The following TEK variants were observed in gnomAD, a reference collection of about 807,000 sequenced individuals.
TEK encodes angiopoietin-1 receptor.
Under a neutral mutation model 131.8 loss-of-function variants are expected in TEK, and 43 were observed. That is an observed-to-expected ratio of 0.33 (90% confidence interval 0.26 to 0.42). The LOEUF is 0.42. Ranked by LOEUF, TEK falls within the 10% of genes least tolerant of loss-of-function variation. The pLI, the probability that TEK is intolerant of heterozygous loss-of-function variation, is 1.00. For missense variants in TEK, 1,162 were observed against 1,384.4 expected (o/e 0.84, Z 2.55); for synonymous variants, 580 against 491.6 (o/e 1.18, Z -2.38).
Position 27,202,257 on chromosome 9 carries a change from A to G in TEK, c.1910-563A>G, listed in dbSNP as rs1825241452. On this transcript the variant is annotated intron_variant, in intron 12 of 22. Coordinates refer to ENST00000380036, the MANE Select transcript of TEK (RefSeq NM_000459.5). The stretch of plus-strand genomic sequence containing the variant: ...GTTATTAGCACATTTTCTCATGTAT[A>G]CACTGACCTGCCTGCTGCTCCATAA... Among the ~76,000 whole-genome samples, 3 of 152,248 alleles carry G rather than the reference A, an allele frequency of 2.0e-5. No homozygotes were observed. In the South Asian group the frequency reaches 6.2e-4, roughly 32 times the overall value.
chr9:27,161,253 G>T (rs2063619655), intron 2 of TEK, among the ~76,000 whole-genome samples: 1 of 152,208 alleles, frequency 6.6e-6, no homozygotes, highest in Non-Finnish European at 1.5e-5. Flanking sequence ...ATGGCTTTTA[G>T]AATTATGCTC....
intron 1 of TEK, among the ~76,000 whole-genome samples, chr9:27,125,615 G>A (rs1587485216): frequency 6.6e-6 from 1 of 152,310 alleles, no homozygotes; most frequent in South Asian, 2.1e-4. Flanking sequence ...ACAGCTGTGT[G>A]ACCTTGGGTA....
intron 21 of TEK, among the ~76,000 whole-genome samples, chr9:27,222,931 C>G (rs559738137): frequency 6.6e-6 from 1 of 152,104 alleles, no homozygotes; most frequent in Admixed American, 6.5e-5. Flanking sequence ...GGCATATTTA[C>G]CAAGCAAATA....
chr9:27,116,552 G>A (rs766325669), intron 1 of TEK, among the ~76,000 whole-genome samples: 4 of 152,092 alleles, frequency 2.6e-5, no homozygotes, highest in Non-Finnish European at 5.9e-5. Flanking sequence ...CAAAGTGCTG[G>A]GATTACAGGC....
intron 4 of TEK, among the ~76,000 whole-genome samples, chr9:27,172,081 A>G (rs1481804538): frequency 2.0e-5 from 3 of 152,292 alleles, no homozygotes; most frequent in South Asian, 2.1e-4. Flanking sequence ...TCTGACACCA[A>G]TGTGCACAGA....
intron 6 of TEK, among the ~76,000 whole-genome samples, chr9:27,179,209 CTTTT>C (rs1213952967): frequency 6.6e-6 from 1 of 152,096 alleles, no homozygotes; most frequent in African/African-American, 2.4e-5. Context: ...TTGACTCTTT[CTTTT>C]GTTATCTCCA....
intron 1 of TEK, among the ~76,000 whole-genome samples, chr9:27,117,361 C>A (rs547937644): frequency 1.1e-4 from 16 of 152,252 alleles, no homozygotes; most frequent in African/African-American, 3.6e-4. Flanking sequence ...AAGTTGCCTC[C>A]CTTATTTTTG....
At chr9:27,190,405 G>A (rs1426035362) in intron 9 of TEK, 124 bp from the exon 10 acceptor site, 6 of 1,165,980 alleles carry the variant, frequency 5.1e-6, no homozygotes, top group Admixed American at 1.9e-5. Flanking sequence ...ATCTCACTGA[G>A]TCTGAGCAGA....
At chr9:27,133,802 G>GT (rs2131066983) in intron 1 of TEK, among the ~76,000 whole-genome samples, 2 of 152,306 alleles carry the variant, frequency 1.3e-5, no homozygotes, top group East Asian at 3.9e-4. Flanking sequence ...TTCTTTAGGT[G>GT]TAACATATTG....
chr9:27,178,425 A>C (rs563942310), intron 6 of TEK, among the ~76,000 whole-genome samples: 2 of 152,074 alleles, frequency 1.3e-5, no homozygotes, highest in Non-Finnish European at 2.9e-5. Flanking sequence ...CTTGCTCAAT[A>C]TTGCTTTGGC....
intron 1 of TEK, among the ~76,000 whole-genome samples, chr9:27,123,052 CAAAAAAAAAAAA>C (rs10700803): frequency 0.023 from 801 of 34,720 alleles, 15 homozygotes; most frequent in Admixed American, 0.03. Flanking sequence ...GACTCTGTCT[CAAAAAAAAAAAA>C]AAAAAAAAAA....
At chr9:27,163,874 A>C (rs982833683) in intron 2 of TEK, among the ~76,000 whole-genome samples, 6 of 152,186 alleles carry the variant, frequency 3.9e-5, no homozygotes, top group African/African-American at 1.4e-4. Context: ...CTTGTTTTTC[A>C]TCTGTGTTTT....
intron 18 of TEK, among the ~76,000 whole-genome samples, chr9:27,215,531 T>C (rs1319388578): frequency 6.6e-6 from 1 of 151,270 alleles, no homozygotes; most frequent in Non-Finnish European, 1.5e-5. Flanking sequence ...TCTGATTCAA[T>C]TGGTCTAGGG....
At chr9:27,154,531 C>T (rs1338162260) in intron 1 of TEK, among the ~76,000 whole-genome samples, 3 of 152,206 alleles carry the variant, frequency 2.0e-5, no homozygotes, top group East Asian at 1.9e-4. Flanking sequence ...GCCCCAACTA[C>T]CCAGTTCCCC....
At chr9:27,122,738 G>T (rs1821837849) in intron 1 of TEK, among the ~76,000 whole-genome samples, 1 of 151,912 alleles carries the variant, frequency 6.6e-6, no homozygotes, top group Admixed American at 6.6e-5. Context: ...CAAGGAAGGA[G>T]GAGCTTCAAC....
At chr9:27,185,886 C>A (rs1243733558) in intron 9 of TEK, among the ~76,000 whole-genome samples, 7 of 152,146 alleles carry the variant, frequency 4.6e-5, no homozygotes, top group African/African-American at 1.7e-4. Context: ...AATGAAGTTA[C>A]CTTTTTGAGT....
Position 27,207,662 on chromosome 9 carries a change from A to G in TEK, c.2575+870A>G, listed in dbSNP as rs183114880. Among the ~76,000 whole-genome samples, 3 of 152,302 alleles carry G rather than the reference A, an allele frequency of 2.0e-5. No homozygotes were observed. In the East Asian group the frequency reaches 5.8e-4, roughly 29 times the overall value. ...TGATTTTACAAAATACAGGCTTGGA[A>G]TGTGGTGCATTAAAGCAGAGAATAT... On this transcript the variant is annotated intron_variant, in intron 15 of 22. Coordinates refer to ENST00000380036, the MANE Select transcript of TEK (RefSeq NM_000459.5).
chr9:27,118,680 C>T (rs1019466061), intron 1 of TEK, among the ~76,000 whole-genome samples: 33 of 152,054 alleles, frequency 2.2e-4, no homozygotes, highest in Non-Finnish European at 1.2e-4. Flanking sequence ...ATTTTGGATG[C>T]CTAACATTTC....
chr9:27,186,950 T>C (rs763054379), intron 9 of TEK, among the ~76,000 whole-genome samples: 6 of 152,192 alleles, frequency 3.9e-5, no homozygotes, highest in African/African-American at 7.2e-5. Flanking sequence ...CTTTTGGTTA[T>C]AGGAAAGAGC....
Sources: allele counts gnomAD v4.1 joint callset (sites outside exome capture counted in the v4.1 genomes callset), GRCh38; gene constraint gnomAD v4.1.1; transcripts MANE v1.5; gene names NCBI Gene and HGNC (gene_info 2026-07-23, HGNC 2026-07-21).